Variants in PAPOLG observed in about 807,000 individuals in gnomAD.
PAPOLG encodes the protein PAP-gamma.
PAPOLG carries 40 observed loss-of-function variants against 99.0 expected under a neutral mutation model. That is an observed-to-expected ratio of 0.40 (90% CI 0.31 to 0.53). PAPOLG has a LOEUF of 0.53. PAPOLG is among the 20% of genes least tolerant of loss of function. PAPOLG has a pLI of 0.41. For synonymous variants in PAPOLG, 310 were observed against 299.3 expected (o/e 1.04, Z -0.37); for missense variants, 675 against 884.1 (o/e 0.76, Z 3.00).
chr2:60,759,538 G>A (rs1051511551), intron 1 of PAPOLG, among the ~76,000 whole-genome samples: 1 of 152,108 alleles, frequency 6.6e-6, no homozygotes, highest in Non-Finnish European at 1.5e-5. Flanking sequence ...AGTCTAAAAT[G>A]AAGAGAATAA....
At position 60,799,012 on chromosome 2, in the gene PAPOLG, G is replaced by C. The variant is rs1671790231; in HGVS notation, c.*1852G>C. ...TTAGCTGACTCTTTCCCTTTATTCA[G>C]ATGTTTTGGGATTGTTCTACAAATA... is the stretch of plus-strand genomic sequence containing the variant. On this transcript the variant is annotated 3_prime_UTR_variant, in exon 22 of 22. Coordinates refer to ENST00000238714, the MANE Select transcript of PAPOLG (RefSeq NM_022894.4). 1.3e-5 allele frequency: 2 copies of C among 152,332 alleles called. No homozygotes were observed. The highest frequency in any genetic ancestry group is 2.9e-5 in the Non-Finnish European group (2 of 68,036). The allele number at this position is 152,332 out of a possible 1,614,324, so 9.4% of individuals were successfully genotyped here.
chr2:60,787,671 A>G lies in PAPOLG; in HGVS notation c.1396+51A>G, dbSNP rs769929788. 5 of 1,589,576 alleles carry G rather than the reference A, an allele frequency of 3.1e-6. No individual in the cohort carries two copies. In the East Asian group the frequency reaches 9.1e-5, roughly 29 times the overall value. ...TGATTCTCAAACCTGGCTATTACTC[A>G]GTGTCATCTGCCTACAATCTGGCTG... On this transcript the variant is annotated intron_variant, in intron 15 of 21. Transcript: ENST00000238714.
intron 21 of PAPOLG, 29 bp downstream of exon 21, chr2:60,795,049 A>C: frequency 6.4e-7 from 1 of 1,557,930 alleles, no homozygotes; most frequent in Non-Finnish European, 8.8e-7. Context: ...TCATAGGTAC[A>C]GTACATAGGT....
At chr2:60,779,199 G>T (rs1671119944) in intron 8 of PAPOLG, among the ~76,000 whole-genome samples, 1 of 152,144 alleles carries the variant, frequency 6.6e-6, no homozygotes, top group African/African-American at 2.4e-5. Flanking sequence ...CTTTATACTT[G>T]ATTTAAAAAT....
intron 7 of PAPOLG, among the ~76,000 whole-genome samples, chr2:60,774,466 A>G (rs554601733): frequency 6.6e-6 from 1 of 151,892 alleles, no homozygotes; most frequent in Non-Finnish European, 1.5e-5. Context: ...CCCGGGTTCA[A>G]GCGATTCTCC....
Position 60,792,425 on chromosome 2 carries a change from C to T in PAPOLG, c.1679+136C>T, listed in dbSNP as rs965696956. The T allele has an allele frequency of 1.3e-5, 11 of 871,288 alleles. No individual in the cohort carries two copies. The African/African-American group carries it at 1.9e-4, about 15-fold the overall frequency. 54.0% of individuals were successfully genotyped at this position (871,288 alleles called of 1,614,324 possible). A position where few individuals can be genotyped will look rare whatever the true frequency, so the allele number is the denominator to read the frequency against. On this transcript the variant is annotated intron_variant, in intron 17 of 21. Transcript: ENST00000238714. ...CATTTTACTGGCTGCTGGTCAATTT[C>T]TTGCTTAGAAATAACTCGTGGTAAT...
intron 21 of PAPOLG, among the ~76,000 whole-genome samples, chr2:60,796,000 G>T (rs1447542523): frequency 1.3e-5 from 2 of 152,100 alleles, no homozygotes; most frequent in Non-Finnish European, 2.9e-5. Context: ...CAGCAAAATT[G>T]TAATAATGTC....
intron 7 of PAPOLG, among the ~76,000 whole-genome samples, chr2:60,773,568 C>G (rs1407103757): frequency 6.6e-6 from 1 of 152,050 alleles, no homozygotes; most frequent in Non-Finnish European, 1.5e-5. Context: ...GTCCACTGAT[C>G]TGTCTTGTTC....
chr2:60,756,357 G>C lies in PAPOLG; in HGVS notation c.-122G>C, dbSNP rs989471858. The C allele has an allele frequency of 7.8e-7, 1 of 1,276,180 alleles. No homozygotes were observed. Among genetic ancestry groups the C allele is most frequent in the African/African-American group, 1.5e-5 (1 of 68,200 alleles). 79.1% of individuals were successfully genotyped at this position (1,276,180 alleles called of 1,614,324 possible). ...TTGGATGCCTCAGCCATAGTAAGTG[G>C]GAAAGTGAGCGAGCAAGCGAGCTAC... On this transcript the variant is annotated 5_prime_UTR_variant, in exon 1 of 22. Transcript: ENST00000238714.
At chr2:60,758,325 G>C (rs62149376) in intron 1 of PAPOLG, among the ~76,000 whole-genome samples, 1 of 96,460 alleles carries the variant, frequency 1.0e-5, no homozygotes, top group African/African-American at 4.1e-5. Flanking sequence ...TTTGGTTTCT[G>C]GGGTTTTTTT....
intron 3 of PAPOLG, among the ~76,000 whole-genome samples, chr2:60,763,585 C>G (rs947836253): frequency 2.0e-5 from 3 of 152,132 alleles, no homozygotes; most frequent in Non-Finnish European, 2.9e-5. Context: ...CTCACAGCAG[C>G]CTCTACCTCC....
In PAPOLG at chr2:60,791,576, C is replaced by G. The variant is rs1671537506; in HGVS notation, c.1397-185C>G. 16 of 522,978 alleles carry G rather than the reference C, an allele frequency of 3.1e-5. No homozygotes were observed. In the South Asian group the frequency reaches 5.8e-4, roughly 19 times the overall value. The allele number at this position is 522,978 out of a possible 1,614,324, so 32.4% of individuals were successfully genotyped here. On this transcript the variant is annotated intron_variant, in intron 15 of 21. Transcript: ENST00000238714. ...TCAAAAAAAGAAAAACTAGTGGATTCATGAATAGGATTGTGATGTGATGGA... is the reference window on the plus strand; with the variant it reads ...TCAAAAAAAGAAAAACTAGTGGATTGATGAATAGGATTGTGATGTGATGGA...
At chr2:60,788,777 C>G (rs544416531) in intron 15 of PAPOLG, among the ~76,000 whole-genome samples, 1 of 152,192 alleles carries the variant, frequency 6.6e-6, no homozygotes, top group East Asian at 1.9e-4. Flanking sequence ...GGGTGAATCT[C>G]TTGAGCTCAG....
intron 7 of PAPOLG, 114 bp from the exon 8 acceptor site, chr2:60,774,919 CA>C: frequency 6.7e-7 from 1 of 1,492,758 alleles, no homozygotes. Context: ...AAATAAGCCC[CA>C]ATGTTTTATT....
rs1671756831 is a variant in PAPOLG at position 60,797,741 on chromosome 2, C to G, written c.*581C>G. The G allele has an allele frequency of 6.6e-6, 1 of 152,624 alleles. No individual in the cohort carries two copies. The highest frequency in any genetic ancestry group is 2.4e-5 in the African/African-American group (1 of 41,402). 9.5% of individuals were successfully genotyped at this position (152,624 alleles called of 1,614,324 possible). ...TTCTGTTGATTTAAATTATTTTTTT[C>G]CAGATTGGCACATGAAATATTTAAA... is the stretch of plus-strand genomic sequence containing the variant. On this transcript the variant is annotated 3_prime_UTR_variant, in exon 22 of 22. Transcript: ENST00000238714.
Position 60,787,602 on chromosome 2 carries a change from C to T in PAPOLG, c.1378C>T (p.Gln460Ter). 1 of 1,613,524 alleles carries T rather than the reference C, an allele frequency of 6.2e-7. No individual in the cohort carries two copies. The highest frequency in any genetic ancestry group is 8.5e-7 in the Non-Finnish European group (1 of 1,179,748). ...SVNIDLTYDI[Q>*]SFTDTVYRQA... is the part of the protein sequence containing the mutation. ...CAACATAGACTTGACATATGATATA[C>T]AGTCATTTACTGATACAGGTAAGAC... Residue 460 changes from glutamine (Q) to a stop codon, truncating the protein, a stop_gained, in exon 15 of 22, where the codon CAG becomes TAG. Transcript: ENST00000238714. LOFTEE classifies it high-confidence loss of function.
intron 1 of PAPOLG, among the ~76,000 whole-genome samples, chr2:60,757,387 T>C (rs1670380649): frequency 6.6e-6 from 1 of 152,258 alleles, no homozygotes; most frequent in African/African-American, 2.4e-5. Flanking sequence ...TTGATGTTTA[T>C]CGTTGCTGCC....
At chr2:60,778,767 T>C (rs1187744031) in intron 8 of PAPOLG, among the ~76,000 whole-genome samples, 4 of 152,236 alleles carry the variant, frequency 2.6e-5, no homozygotes, top group African/African-American at 4.8e-5. Context: ...AAGTAAAATT[T>C]GCACTGAAGG....
rs575130629 is a variant in PAPOLG at position 60,787,846 on chromosome 2, A to G, written c.1396+226A>G. Among the ~76,000 whole-genome samples, 21 of 152,302 alleles carry G rather than the reference A, an allele frequency of 1.4e-4. No individual in the cohort carries two copies. The East Asian group carries it at 4.1e-3, about 29-fold the overall frequency. On this transcript the variant is annotated intron_variant, in intron 15 of 21. Transcript: ENST00000238714. ...GCGGGCAGATTACCTGAGGTCAGGA[A>G]TTCGAGACCAGCCTGGCTAATACGG...
Sources: gnomAD v4.1 joint callset for allele counts (sites outside exome capture counted in the v4.1 genomes callset) on GRCh38, gnomAD v4.1.1 for gene constraint, MANE v1.5 for transcripts, NCBI Gene and HGNC (gene_info 2026-07-23, HGNC 2026-07-21) for gene names.